UTP20: variants seen among roughly 807,000 people sequenced by gnomAD.
UTP20 encodes UTP20 small subunit processome component, also known as small subunit processome component 20 homolog.
A neutral mutation model predicts 329.5 loss-of-function variants in UTP20; 164 were observed. The ratio of observed to expected loss-of-function variants is 0.50; its 90% confidence interval spans 0.44 to 0.57. The LOEUF (loss-of-function observed/expected upper bound fraction) is 0.57. Among genes scored for constraint, UTP20 ranks in the 20% least tolerant of loss-of-function variants. The pLI, the probability that UTP20 is intolerant of heterozygous loss-of-function variation, is 0.00. For missense variants in UTP20, 3,055 were observed against 3,284.2 expected (o/e 0.93, Z 1.71); for synonymous variants, 1,151 against 1,159.3 (o/e 0.99, Z 0.14).
At chr12:101,378,548 G>A (rs1245517202) in intron 56 of UTP20, among the ~76,000 whole-genome samples, 4 of 151,918 alleles carry the variant, frequency 2.6e-5, no homozygotes, top group African/African-American at 4.8e-5. Context: ...ATGAAACCCT[G>A]TCTCTACTAA....
chr12:101,342,993 T>C lies in UTP20; in HGVS notation c.4349T>C (p.Phe1450Ser). 6.2e-7 allele frequency: 1 copy of C among 1,613,986 alleles called. No homozygotes were observed. The highest frequency in any genetic ancestry group is 8.5e-7 in the Non-Finnish European group (1 of 1,179,970). The change falls in exon 35 of 62, where the codon TTT becomes TCT. Residue 1450 changes from phenylalanine (F) to serine (S), a missense_variant. Phe to Ser is a radical substitution (Grantham distance 155). Coordinates refer to ENST00000261637, the MANE Select transcript of UTP20 (RefSeq NM_014503.3). The stretch of plus-strand genomic sequence containing the variant: ...GATGATATCAACTTCGACGTTCGCT[T>C]TGAGACTTTCCAGACCATCACCTCT... ...HLDDINFDVRFETFQTITSYI... is the reference protein window; with the variant it reads ...HLDDINFDVRSETFQTITSYI...
chr12:101,347,639 A>G (rs1869371315), intron 38 of UTP20, among the ~76,000 whole-genome samples: 1 of 152,252 alleles, frequency 6.6e-6, no homozygotes, highest in South Asian at 2.1e-4. Flanking sequence ...CTTATACAAT[A>G]ATAGATTTCC....
chr12:101,351,241 C>T (rs1869509662), intron 38 of UTP20, among the ~76,000 whole-genome samples: 1 of 152,056 alleles, frequency 6.6e-6, no homozygotes, highest in South Asian at 2.1e-4. Flanking sequence ...ATCCTCCTGC[C>T]ACAGCCTCCT....
chr12:101,378,572 A>T lies in UTP20; in HGVS notation c.7397-799A>T, dbSNP rs187195756. Among the ~76,000 whole-genome samples the T allele has an allele frequency of 3.2e-3, 481 of 152,128 alleles. 3 individuals are homozygous for T. The highest frequency in any genetic ancestry group is 5.8e-3 in the Admixed American group (89 of 15,278). ...TGTCTCTACTAAAAATACAAAAATTAGCTGGGTGTGGTGGTGAGTACCTGT... is the reference window on the plus strand; with the variant it reads ...TGTCTCTACTAAAAATACAAAAATTTGCTGGGTGTGGTGGTGAGTACCTGT... On this transcript the variant is annotated intron_variant, in intron 56 of 61. Coordinates refer to ENST00000261637, the MANE Select transcript of UTP20 (RefSeq NM_014503.3).
rs1232467772 is a variant in UTP20, at chr12:101,309,939, G to A, written c.2231+100G>A. ...TTCTGGGTGTGATTTAAATGAATGG[G>A]TGTATATGGTATTTACAGTACTTTA... On this transcript the variant is annotated intron_variant, in intron 19 of 61. Coordinates refer to ENST00000261637, the MANE Select transcript of UTP20 (RefSeq NM_014503.3). The A allele has an allele frequency of 4.9e-6, 5 of 1,021,294 alleles. No homozygotes were observed. In the Admixed American group the frequency reaches 7.9e-5, roughly 16 times the overall value. The allele number at this position is 1,021,294 out of a possible 1,614,324, so 63.3% of individuals were successfully genotyped here.
At chr12:101,342,740 G>A in intron 33 of UTP20, 47 bp from the exon 34 acceptor site, 1 of 1,588,988 alleles carries the variant, frequency 6.3e-7, no homozygotes, top group Non-Finnish European at 8.6e-7. Context: ...GGGCAGAAAA[G>A]TTAAAGTTTT....
chr12:101,288,171 T>C (rs1872020331), intron 5 of UTP20, among the ~76,000 whole-genome samples: 2 of 152,212 alleles, frequency 1.3e-5, no homozygotes, highest in South Asian at 4.1e-4. Context: ...ATCCTGTATA[T>C]TGCTGCCAAA....
chr12:101,342,871 G>GT, intron 34 of UTP20, 34 bp downstream of exon 34: 1 of 1,610,226 alleles, frequency 6.2e-7, no homozygotes, highest in South Asian at 1.1e-5. Context: ...GGCTTCAAAA[G>GT]TATTATCATT....
At position 101,342,031 on chromosome 12, in the gene UTP20, GGT is replaced by G. The variant is rs1381894374; in HGVS notation, c.4102-407_4102-406del. Among the ~76,000 whole-genome samples the G allele has an allele frequency of 1.7e-4, 26 of 152,172 alleles. No homozygotes were observed. In the South Asian group the frequency reaches 5.4e-3, roughly 32 times the overall value. On this transcript the variant is annotated intron_variant, in intron 32 of 61. Coordinates refer to ENST00000261637, the MANE Select transcript of UTP20 (RefSeq NM_014503.3). ...AGAGGTGACTTAAAATATACAGAAG[GGT>G]GTGTGTGGGTGATATGCAAATACCA...
In UTP20 at chr12:101,374,858, T is replaced by C. The variant is rs780734087; in HGVS notation, c.7182T>C (p.Ser2394=). Residue 2394 remains serine (S), a synonymous_variant, in exon 55 of 62, where the codon AGT becomes AGC. Transcript: ENST00000261637. The part of the protein sequence containing the change: ...AALICGLFVE[S]EGVDFEKRLG... ...TGATCTGTGGCTTGTTTGTGGAAAG[T>C]GAAGGAGTTGATTTTGAGAAAAGAC... 1.4e-6 allele frequency: 2 copies of C among 1,461,820 alleles called. No homozygotes were observed. The highest frequency in any genetic ancestry group is 1.7e-5 in the Admixed American group (1 of 59,870). The allele number at this position is 1,461,820 out of a possible 1,614,324, so 90.6% of individuals were successfully genotyped here.
rs1223877471 is a variant in UTP20 at position 101,305,990 on chromosome 12, A to G, written c.1857A>G (p.Lys619=). The G allele has an allele frequency of 3.7e-6, 6 of 1,613,890 alleles. No individual in the cohort carries two copies. The change falls in exon 16 of 62, where the codon AAA becomes AAG. Residue 619 remains lysine (K), a synonymous_variant. Transcript: ENST00000261637. ...AGAGATTAGCCTTGTGTGGCTGCAA[A>G]GGGCCACTTTCCCAGGAGGCTTTAA... is the stretch of plus-strand genomic sequence containing the variant. ...YYQRLALCGC[K]GPLSQEALME...
At chr12:101,345,008 T>C (rs1869276198) in intron 36 of UTP20, among the ~76,000 whole-genome samples, 1 of 142,952 alleles carries the variant, frequency 7.0e-6, no homozygotes, top group Admixed American at 7.4e-5. Flanking sequence ...TACAGTGGCG[T>C]GATCTTGGCT....
At chr12:101,302,673 G>A (rs1437251161) in intron 15 of UTP20, 120 bp downstream of exon 15, 1 of 602,598 alleles carries the variant, frequency 1.7e-6, no homozygotes, top group South Asian at 2.5e-5. Flanking sequence ...TTGTATTCAC[G>A]TAGTGAAATT....
intron 33 of UTP20, 98 bp from the exon 34 acceptor site, chr12:101,342,689 T>A: frequency 6.5e-7 from 1 of 1,531,902 alleles, no homozygotes. Flanking sequence ...GGGTGATGTT[T>A]TTATATGAAT....
Position 101,338,135 on chromosome 12 carries a change from G to T in UTP20, c.3726G>T (p.Lys1242Asn), listed in dbSNP as rs777636821. The stretch of plus-strand genomic sequence containing the variant: ...ATGTTTTTGCAATTCTCTCAGCGAA[G>T]AATCTTTCTGATGCCACAGCCAGTA... ...LTNVFAILSA[K>N]NLSDATASIV... The change falls in exon 30 of 62, where the codon AAG (lysine) becomes AAT (asparagine). Residue 1242 changes from lysine to asparagine, a missense_variant. Physicochemically the swap from Lys to Asn is moderately conservative, Grantham distance 94. Transcript: ENST00000261637. 6.2e-7 allele frequency: 1 copy of T among 1,614,140 alleles called. No homozygotes were observed. The highest frequency in any genetic ancestry group is 1.7e-5 in the Admixed American group (1 of 60,008).
rs374426353 is a variant in UTP20, at chr12:101,341,452, A to T, written c.4101+842A>T. ...TCAGACCTCAGTAGTGATACTAAAC[A>T]TTTCTCCCCACATAGTTGTTCAATT... On this transcript the variant is annotated intron_variant, in intron 32 of 61. Coordinates refer to ENST00000261637, the MANE Select transcript of UTP20 (RefSeq NM_014503.3). Among the ~76,000 whole-genome samples, 11 of 152,258 alleles carry T rather than the reference A, an allele frequency of 7.2e-5. No homozygotes were observed. The East Asian group carries it at 2.1e-3, about 29-fold the overall frequency.
At chr12:101,283,094 A>G (rs905653008) in intron 2 of UTP20, among the ~76,000 whole-genome samples, 5 of 152,246 alleles carry the variant, frequency 3.3e-5, no homozygotes, top group Non-Finnish European at 5.9e-5. Context: ...GTTTGTATAT[A>G]TGGATCTGGA....
chr12:101,345,026 A>G (rs1365878640), intron 36 of UTP20, among the ~76,000 whole-genome samples: 1 of 135,380 alleles, frequency 7.4e-6, no homozygotes, highest in Non-Finnish European at 1.5e-5. Flanking sequence ...GCTCACTGCA[A>G]CCTCCGCCTC....
At chr12:101,346,019 G>A (rs1247224457) in intron 37 of UTP20, among the ~76,000 whole-genome samples, 2 of 151,842 alleles carry the variant, frequency 1.3e-5, no homozygotes, top group East Asian at 1.9e-4. Context: ...GTTTGCTCTT[G>A]TAACACATGG....
Sources: allele counts gnomAD v4.1 joint callset (sites outside exome capture counted in the v4.1 genomes callset), GRCh38; gene constraint gnomAD v4.1.1; transcripts MANE v1.5; gene names NCBI Gene and HGNC (gene_info 2026-07-23, HGNC 2026-07-21).